Variants in LAMA4 observed in about 807,000 individuals in gnomAD.
LAMA4 encodes laminin subunit alpha 4.
A neutral mutation model predicts 207.1 loss-of-function variants in LAMA4; 127 were observed. The observed-to-expected ratio is 0.61, with a 90% CI of 0.53 to 0.71. LAMA4 has a LOEUF of 0.71. Among genes scored for constraint, LAMA4 ranks in the 30% least tolerant of loss-of-function variants. The pLI is 0.00. For missense variants in LAMA4, 2,093 were observed against 2,246.5 expected (o/e 0.93, Z 1.38); for synonymous variants, 761 against 816.0 (o/e 0.93, Z 1.15).
At chr6:112,222,236 T>C (rs1583933544) in intron 2 of LAMA4, among the ~76,000 whole-genome samples, 1 of 152,338 alleles carries the variant, frequency 6.6e-6, no homozygotes, top group East Asian at 1.9e-4. Context: ...CACATTTTAA[T>C]AGGCAAAGTT....
Position 112,150,596 on chromosome 6 carries a change from C to G in LAMA4, c.2088G>C (p.Arg696Ser). 1.2e-6 allele frequency: 2 copies of G among 1,614,024 alleles called. No homozygotes were observed. Among genetic ancestry groups the G allele is most frequent in the Non-Finnish European group, 8.5e-7 (1 of 1,179,924 alleles). ...SSDEAVADTSRRVGGALARKS... is the reference protein window; with the variant it reads ...SSDEAVADTSSRVGGALARKS... The stretch of plus-strand genomic sequence containing the variant: ...TCCTTGCTAGGGCTCCACCCACACG[C>G]CTGCTAGTGTCAGCCACTGCTTCAT... The change falls in exon 17 of 39, where the codon AGG becomes AGC. Residue 696 changes from arginine (R) to serine (S), a missense_variant. By Grantham distance (110) the Arg-to-Ser change is moderately radical (BLOSUM62 -1). This residue lies in a region of LAMA4 where 1,704 missense variants were observed against 1,788.4 expected (regional missense o/e 0.95). Transcript: ENST00000230538.
intron 27 of LAMA4, 86 bp from the exon 28 acceptor site, chr6:112,132,976 C>T (rs915012970): frequency 2.2e-6 from 3 of 1,376,216 alleles, no homozygotes; most frequent in Non-Finnish European, 3.1e-6. Flanking sequence ...GAAGGCCTTG[C>T]CTGTTAATTT....
chr6:112,206,202 G>A (rs116695132), intron 4 of LAMA4, among the ~76,000 whole-genome samples: 1 of 152,284 alleles, frequency 6.6e-6, no homozygotes, highest in African/African-American at 2.4e-5. Flanking sequence ...GAAGAAGTGT[G>A]ACTAGCCTGG....
In LAMA4 at chr6:112,216,454, A is replaced by T. The variant is rs184006810; in HGVS notation, c.211T>A (p.Phe71Ile). 5.6e-6 allele frequency: 9 copies of T among 1,613,090 alleles called. No individual in the cohort carries two copies. Among genetic ancestry groups the T allele is most frequent in the Non-Finnish European group, 5.9e-6 (7 of 1,179,036 alleles). ...CATTCTCCCGACAGGGTGTGAAAGA[A>T]TCCAGCATTGCATTTCTGCAACAGA... ...PPAAEKCNAG[F>I]FHTLSGECVP... Residue 71 changes from phenylalanine to isoleucine, a missense_variant, in exon 3 of 39, where the codon TTC becomes ATC. Phe to Ile is a conservative substitution (Grantham distance 21, BLOSUM62 0). Transcript: ENST00000230538.
intron 6 of LAMA4, among the ~76,000 whole-genome samples, chr6:112,190,289 C>T (rs1260981697): frequency 6.6e-6 from 1 of 152,216 alleles, no homozygotes; most frequent in African/African-American, 2.4e-5. Flanking sequence ...TCTCTTTAGC[C>T]TGACTAGACA....
intron 6 of LAMA4, among the ~76,000 whole-genome samples, chr6:112,190,926 T>A (rs1482898983): frequency 5.3e-5 from 5 of 93,614 alleles, no homozygotes; most frequent in Non-Finnish European, 8.6e-5. Context: ...TTTCTTTCTT[T>A]CTTTCTTTCT....
At chr6:112,227,257 G>C (rs546801572) in intron 2 of LAMA4, among the ~76,000 whole-genome samples, 25 of 151,892 alleles carry the variant, frequency 1.6e-4, no homozygotes, top group Non-Finnish European at 2.8e-4. Context: ...TTTTAGTAGA[G>C]ACAGAGTTTC....
At chr6:112,200,906 T>A (rs936169253) in intron 5 of LAMA4, among the ~76,000 whole-genome samples, 2 of 151,690 alleles carry the variant, frequency 1.3e-5, no homozygotes, top group Non-Finnish European at 2.9e-5. Flanking sequence ...AGGGGAGGGA[T>A]AGCATTAGGA....
At chr6:112,218,306 T>A (rs201602155) in intron 2 of LAMA4, 4 of 152,132 alleles carry the variant, frequency 2.6e-5, no homozygotes, top group South Asian at 2.1e-4. Flanking sequence ...ATCTGCATTT[T>A]AAAAAATAAC....
intron 2 of LAMA4, among the ~76,000 whole-genome samples, chr6:112,230,245 C>G (rs1264057163): frequency 6.6e-6 from 1 of 152,228 alleles, no homozygotes; most frequent in African/African-American, 2.4e-5. Context: ...AATGTGCTTA[C>G]ATTTAAGATA....
intron 7 of LAMA4, among the ~76,000 whole-genome samples, chr6:112,188,513 A>G (rs1782828089): frequency 6.6e-6 from 1 of 152,190 alleles, no homozygotes; most frequent in Admixed American, 6.5e-5. Context: ...AGACCAAGAT[A>G]CATCTGTTTG....
chr6:112,241,137 G>T (rs1554187565), intron 2 of LAMA4, among the ~76,000 whole-genome samples: 2 of 84,978 alleles, frequency 2.4e-5, no homozygotes, highest in South Asian at 3.6e-4. Context: ...GAATATATAG[G>T]AATATATATA....
At chr6:112,251,851 T>TCTGAATAGA (rs1787481665) in intron 2 of LAMA4, among the ~76,000 whole-genome samples, 1 of 152,208 alleles carries the variant, frequency 6.6e-6, no homozygotes, top group African/African-American at 2.4e-5. Context: ...CTTCTTTCTG[T>TCTGAATAGA]TTTTCAAAAC....
chr6:112,133,052 C>T (rs782026440), intron 27 of LAMA4, among the ~76,000 whole-genome samples, 162 bp from the exon 28 acceptor site: 8 of 152,184 alleles, frequency 5.3e-5, no homozygotes, highest in Non-Finnish European at 1.0e-4. Flanking sequence ...CTAGGAGCTC[C>T]TCTGAGAGAT....
intron 3 of LAMA4, among the ~76,000 whole-genome samples, chr6:112,208,764 C>T (rs188260201): frequency 2.7e-4 from 41 of 152,238 alleles, no homozygotes; most frequent in African/African-American, 8.2e-4. Context: ...CTAGCTATCC[C>T]GGTTGAATGT....
chr6:112,208,823 G>A (rs571454999), intron 3 of LAMA4, among the ~76,000 whole-genome samples: 1 of 152,168 alleles, frequency 6.6e-6, no homozygotes, highest in Non-Finnish European at 1.5e-5. Flanking sequence ...TTTAGTCCCT[G>A]ATTAAAATTA....
chr6:112,248,486 G>A (rs1188204031), intron 2 of LAMA4, among the ~76,000 whole-genome samples: 3 of 135,228 alleles, frequency 2.2e-5, no homozygotes, highest in African/African-American at 8.7e-5. Context: ...GTGACAGAGG[G>A]AGACTCTGTC....
intron 6 of LAMA4, among the ~76,000 whole-genome samples, chr6:112,190,935 C>T (rs1327306079): frequency 2.4e-4 from 14 of 59,340 alleles, no homozygotes; most frequent in Admixed American, 1.2e-3. Context: ...TTCTTTCTTT[C>T]TTTCTTTCTT....
At chr6:112,202,199 G>A (rs1444271341) in intron 4 of LAMA4, among the ~76,000 whole-genome samples, 2 of 152,110 alleles carry the variant, frequency 1.3e-5, no homozygotes, top group East Asian at 3.9e-4. Context: ...GAAAGTCCCA[G>A]TCAAGTACTG....
Sources: allele counts gnomAD v4.1 joint callset (sites outside exome capture counted in the v4.1 genomes callset), GRCh38; gene constraint gnomAD v4.1.1; regional missense constraint gnomAD v4.1.1; transcripts MANE v1.5; gene names NCBI Gene and HGNC (gene_info 2026-07-23, HGNC 2026-07-21).